RASSF5: variants seen among roughly 807,000 people sequenced by gnomAD.
RASSF5 encodes ras association domain-containing protein 5.
A neutral mutation model predicts 40.5 loss-of-function variants in RASSF5; 25 were observed. The observed-to-expected ratio is 0.62, with a 90% confidence interval of 0.45 to 0.86. The LOEUF is 0.86. Among genes scored for constraint, RASSF5 ranks in the 40% least tolerant of loss-of-function variants. RASSF5 has a pLI of 0.00. For missense variants in RASSF5, 521 were observed against 572.8 expected, an observed-to-expected ratio of 0.91 and a Z score of 0.92; for synonymous variants, 246 against 252.4, an observed-to-expected ratio of 0.97 and a Z score of 0.24.
chr1:206,524,512 C>A (rs1553396818), intron 1 of RASSF5, among the ~76,000 whole-genome samples: 1 of 126,448 alleles, frequency 7.9e-6, no homozygotes, highest in Non-Finnish European at 1.6e-5. Flanking sequence ...CTTGCTCTGT[C>A]ATCCAGGCTG....
At chr1:206,522,438 A>G (rs1175184874) in intron 1 of RASSF5, among the ~76,000 whole-genome samples, 4 of 152,174 alleles carry the variant, frequency 2.6e-5, no homozygotes, top group Admixed American at 2.6e-4. Flanking sequence ...GCCATACCCT[A>G]AATGCAGCGT....
chr1:206,523,065 G>A (rs1251239525), intron 1 of RASSF5, among the ~76,000 whole-genome samples: 5 of 151,876 alleles, frequency 3.3e-5, no homozygotes, highest in African/African-American at 1.2e-4. Context: ...AGCACTTTGG[G>A]AGACTGAGGT....
At chr1:206,509,700 G>C (rs1345964252) in intron 1 of RASSF5, among the ~76,000 whole-genome samples, 3 of 150,888 alleles carry the variant, frequency 2.0e-5, no homozygotes, top group African/African-American at 2.4e-5. Flanking sequence ...ACTTGTTGAA[G>C]ATTTTGCACA....
chr1:206,555,410 T>C (rs1462598304), intron 2 of RASSF5, among the ~76,000 whole-genome samples: 1 of 151,650 alleles, frequency 6.6e-6, no homozygotes, highest in Non-Finnish European at 1.5e-5. Flanking sequence ...AGCAAGGAGG[T>C]TCTTTTTATG....
At chr1:206,578,964 G>A (rs565793167) in intron 2 of RASSF5, among the ~76,000 whole-genome samples, 12 of 152,288 alleles carry the variant, frequency 7.9e-5, no homozygotes, top group Non-Finnish European at 1.5e-4. Context: ...GGCCCCAGAC[G>A]AAAGGGGTAT....
rs1214251695 is a variant in RASSF5 at position 206,560,190 on chromosome 1, G to T, written c.579+21897G>T. ...TTGAGGCCCTCATCTGGGAAGGGCT[G>T]AGCTTGCTTCTATAAATAGCCTTGT... On this transcript the variant is annotated intron_variant, in intron 2 of 5. Transcript: ENST00000579436. The surrounding 1 kb of genome is among the most constrained non-coding windows in gnomAD (Gnocchi z 5.1). Among the ~76,000 whole-genome samples the T allele has an allele frequency of 1.3e-5, 2 of 152,200 alleles. No individual in the cohort carries two copies. The highest frequency in any genetic ancestry group is 4.8e-5 in the African/African-American group (2 of 41,456).
chr1:206,546,841 A>G (rs547550899), intron 2 of RASSF5, among the ~76,000 whole-genome samples: 1 of 152,234 alleles, frequency 6.6e-6, no homozygotes, highest in African/African-American at 2.4e-5. Flanking sequence ...TATGGTTTCT[A>G]TCAAATGTGC....
chr1:206,566,236 G>A (rs1668286263), intron 2 of RASSF5, among the ~76,000 whole-genome samples: 1 of 152,178 alleles, frequency 6.6e-6, no homozygotes, highest in Non-Finnish European at 1.5e-5. Context: ...CACACACACA[G>A]CTGAGGGAAG....
chr1:206,581,883 G>C (rs75662155), intron 2 of RASSF5, among the ~76,000 whole-genome samples: 5,116 of 152,158 alleles, frequency 0.034, 113 homozygotes, highest in Admixed American at 0.047. Flanking sequence ...TGTCACGGAG[G>C]GGGGGCCCTG....
intron 2 of RASSF5, among the ~76,000 whole-genome samples, chr1:206,539,740 G>A (rs59087771): frequency 1.5e-3 from 226 of 152,254 alleles, no homozygotes; most frequent in African/African-American, 5.1e-3. Flanking sequence ...AGGCACATCT[G>A]GCCCCCAAAA....
rs371056800 is a variant in RASSF5, at chr1:206,509,029, C to T, written c.457+970C>T. On this transcript the variant is annotated intron_variant, in intron 1 of 5. Coordinates refer to ENST00000579436, the MANE Select transcript of RASSF5 (RefSeq NM_182663.4). ...TTGCGTGTTTATCAGAGGATATCCA[C>T]AGCCATGTGTTCATGTGTTTACATG... Among the ~76,000 whole-genome samples the T allele has an allele frequency of 6.1e-4, 93 of 152,208 alleles. 4 individuals carry two copies. The South Asian group carries it at 0.014, about 22-fold the overall frequency.
At chr1:206,519,236 CCCT>C (rs1553395768) in intron 1 of RASSF5, among the ~76,000 whole-genome samples, 1 of 152,092 alleles carries the variant, frequency 6.6e-6, no homozygotes, top group Non-Finnish European at 1.5e-5. Context: ...CATCCCATGC[CCCT>C]TTTCCAATGA....
At chr1:206,583,853 C>T (rs935937089) in intron 3 of RASSF5, among the ~76,000 whole-genome samples, 1 of 152,124 alleles carries the variant, frequency 6.6e-6, no homozygotes, top group African/African-American at 2.4e-5. Context: ...AAAAACACTG[C>T]CCCCTGCTGG....
intron 2 of RASSF5, among the ~76,000 whole-genome samples, chr1:206,563,482 C>T (rs1668204006): frequency 6.6e-6 from 1 of 152,138 alleles, no homozygotes; most frequent in Non-Finnish European, 1.5e-5. Flanking sequence ...GGTGCTTTTC[C>T]TCACTCAGCA....
rs115119346 is a variant in RASSF5, at chr1:206,566,686, G to C, written c.580-16583G>C. ...AATGTCGATGCTCACAATTGGCTGG[G>C]AAGGCGTGGGTTCAGGAGGAGAATG... On this transcript the variant is annotated intron_variant, in intron 2 of 5. Coordinates refer to ENST00000579436, the MANE Select transcript of RASSF5 (RefSeq NM_182663.4). 7.4e-3 allele frequency among the ~76,000 whole-genome samples: 1,131 copies of C among 152,322 alleles called. 11 individuals are homozygous for C. The highest frequency in any genetic ancestry group is 0.012 in the Non-Finnish European group (817 of 68,032).
At chr1:206,567,115 A>G (rs1553403510) in intron 2 of RASSF5, among the ~76,000 whole-genome samples, 1 of 152,234 alleles carries the variant, frequency 6.6e-6, no homozygotes, top group Admixed American at 6.5e-5. Flanking sequence ...TTTCAAACCT[A>G]CAGCAGCCCC....
At chr1:206,509,811 G>A (rs555466360) in intron 1 of RASSF5, among the ~76,000 whole-genome samples, 84 of 151,546 alleles carry the variant, frequency 5.5e-4, no homozygotes, top group African/African-American at 2.0e-3. Flanking sequence ...TAAATGAATT[G>A]ATCCTTACGT....
Position 206,579,701 on chromosome 1 carries a change from T to C in RASSF5, c.580-3568T>C, listed in dbSNP as rs1668794670. Among the ~76,000 whole-genome samples, 1 of 152,192 alleles carries C rather than the reference T, an allele frequency of 6.6e-6. No individual in the cohort carries two copies. The highest frequency in any genetic ancestry group is 1.5e-5 in the Non-Finnish European group (1 of 68,036). On this transcript the variant is annotated intron_variant, in intron 2 of 5. Transcript: ENST00000579436. This position sits in a 1 kb window ranked among gnomAD's most constrained non-coding sequence, Gnocchi z 4.2. ...ATGCCCAGACTGCACCCCAGACCAATTAAATCAGAATCTCCAGGGATGAAG... is the reference window on the plus strand; with the variant it reads ...ATGCCCAGACTGCACCCCAGACCAACTAAATCAGAATCTCCAGGGATGAAG...
chr1:206,517,444 C>G (rs1666779367), intron 1 of RASSF5, among the ~76,000 whole-genome samples: 1 of 152,098 alleles, frequency 6.6e-6, no homozygotes, highest in Non-Finnish European at 1.5e-5. Context: ...TGCACTCCAA[C>G]CTGGATGACA....
Sources: allele counts gnomAD v4.1 joint callset (sites outside exome capture counted in the v4.1 genomes callset), GRCh38; gene constraint gnomAD v4.1.1; non-coding constraint Gnocchi (gnomAD v3.1); transcripts MANE v1.5; gene names NCBI Gene and HGNC (gene_info 2026-07-23, HGNC 2026-07-21).